MXI1: variants seen among roughly 807,000 people sequenced by gnomAD.
The protein encoded by MXI1 is MAX interactor 1, dimerization protein.
Under a neutral mutation model 36.9 loss-of-function variants are expected in MXI1, and 18 were observed. That is an observed-to-expected ratio of 0.49 (90% CI 0.34 to 0.72). The LOEUF is 0.72. MXI1 is among the 30% of genes least tolerant of loss of function. The probability of loss-of-function intolerance (pLI) is 0.01; values close to 1 mark genes in which losing one functional copy is unlikely to be tolerated. For missense variants in MXI1, 304 were observed against 379.1 expected (o/e 0.80, Z 1.64); for synonymous variants, 160 against 146.7 (o/e 1.09, Z -0.65).
intron 2 of MXI1, among the ~76,000 whole-genome samples, chr10:110,233,463 C>G (rs1564711100): frequency 6.6e-6 from 1 of 151,992 alleles, no homozygotes; most frequent in Non-Finnish European, 1.5e-5. Context: ...TATTTGTTCA[C>G]AGAAGAATTG....
chr10:110,278,694 GAGGT>G (rs1191997230), intron 3 of MXI1, among the ~76,000 whole-genome samples: 4 of 133,278 alleles, frequency 3.0e-5, no homozygotes, highest in Admixed American at 2.3e-4. Context: ...CAGTTGTAGA[GAGGT>G]AGGGTGTGTG....
intron 3 of MXI1, among the ~76,000 whole-genome samples, chr10:110,261,363 T>C (rs1270392143): frequency 6.6e-6 from 1 of 152,024 alleles, no homozygotes; most frequent in African/African-American, 2.4e-5. Context: ...TGCAGCCTTC[T>C]ATGGATTGGC....
chr10:110,219,124 A>T (rs1381684287), intron 1 of MXI1, among the ~76,000 whole-genome samples: 1 of 152,098 alleles, frequency 6.6e-6, no homozygotes, highest in Admixed American at 6.5e-5. Flanking sequence ...ATATGGTGAA[A>T]CCCTGTCTCT....
At chr10:110,279,548 G>T (rs1488411034) in intron 4 of MXI1, among the ~76,000 whole-genome samples, 1 of 137,044 alleles carries the variant, frequency 7.3e-6, no homozygotes, top group East Asian at 1.9e-4. Flanking sequence ...CTTCATACTC[G>T]GAAGGCAGTT....
chr10:110,227,255 G>T (rs1855075828), intron 1 of MXI1: 1 of 830,230 alleles, frequency 1.2e-6, no homozygotes, highest in East Asian at 1.5e-4. Flanking sequence ...GGAGGGGCGT[G>T]TGCGGGAAGG....
intron 3 of MXI1, chr10:110,245,860 T>TA (rs1855842750): frequency 6.6e-6 from 1 of 151,934 alleles, no homozygotes; most frequent in African/African-American, 2.4e-5. Context: ...GTAGACAAAG[T>TA]AAAGAGTATG....
intron 3 of MXI1, among the ~76,000 whole-genome samples, chr10:110,246,616 A>G (rs561273079): frequency 2.6e-5 from 4 of 152,316 alleles, no homozygotes; most frequent in Admixed American, 2.0e-4. Flanking sequence ...CTGCCAAATG[A>G]CTATGCCCCA....
rs1422870855 is a variant in MXI1 at position 110,286,252 on chromosome 10, T to G, written c.*1265T>G. 6.5e-6 allele frequency: 1 copy of G among 152,674 alleles called. No homozygotes were observed. The highest frequency in any genetic ancestry group is 1.5e-5 in the Non-Finnish European group (1 of 68,038). 9.5% of individuals were successfully genotyped at this position (152,674 alleles called of 1,614,324 possible). ...TCCATTTTCCTACAGGCAGTCTCTCTCTTCCTCACAGTCCCACTGTGCAGG... is the reference window on the plus strand; with the variant it reads ...TCCATTTTCCTACAGGCAGTCTCTCGCTTCCTCACAGTCCCACTGTGCAGG... On this transcript the variant is annotated 3_prime_UTR_variant, in exon 6 of 6. Transcript: ENST00000332674.
In MXI1 at chr10:110,207,708, G is replaced by A. The variant is rs1854397871; in HGVS notation, c.-101G>A. ...AGTCAGGCCGGCTTTTCGCCCCGGC[G>A]CCTTCTCTGCTCCAGCCGGCCGGGT... On this transcript the variant is annotated 5_prime_UTR_variant, in exon 1 of 6. Transcript: ENST00000332674. 2 of 777,526 alleles carry A rather than the reference G, an allele frequency of 2.6e-6. No homozygotes were observed. The highest frequency in any genetic ancestry group is 3.2e-6 in the Non-Finnish European group (2 of 631,024). 48.2% of individuals were successfully genotyped at this position (777,526 alleles called of 1,614,324 possible). A position where few individuals can be genotyped will look rare whatever the true frequency, so the allele number is the denominator to read the frequency against.
intron 2 of MXI1, among the ~76,000 whole-genome samples, chr10:110,244,499 G>GTT (rs1855788039): frequency 6.6e-6 from 1 of 150,618 alleles, no homozygotes; most frequent in East Asian, 1.9e-4. Flanking sequence ...ACAGGATTAT[G>GTT]TTTAAAATTT....
At chr10:110,227,222 G>C in intron 1 of MXI1, 1 of 583,080 alleles carries the variant, frequency 1.7e-6, no homozygotes, top group South Asian at 8.0e-5. Flanking sequence ...GGGTGCGCGC[G>C]TGGGAGGGAT....
intron 1 of MXI1, chr10:110,227,853 T>C: frequency 3.5e-6 from 1 of 283,034 alleles, no homozygotes; most frequent in East Asian, 7.1e-5. Flanking sequence ...AGGGGAATTT[T>C]TGAGGCAAGC....
chr10:110,254,947 A>C (rs972393807), intron 3 of MXI1, among the ~76,000 whole-genome samples: 3 of 152,046 alleles, frequency 2.0e-5, no homozygotes, highest in African/African-American at 7.3e-5. Context: ...AATCTAGCTA[A>C]AATAATCAAC....
At chr10:110,212,636 C>T (rs1854540241) in intron 1 of MXI1, among the ~76,000 whole-genome samples, 1 of 152,230 alleles carries the variant, frequency 6.6e-6, no homozygotes, top group African/African-American at 2.4e-5. Flanking sequence ...TGCTACTCTA[C>T]TGCTTACTGG....
chr10:110,261,144 A>G, intron 3 of MXI1: 5 of 984,820 alleles, frequency 5.1e-6, no homozygotes, highest in Non-Finnish European at 6.0e-6. Context: ...AAGTAGCTAC[A>G]GGTCAGTATG....
chr10:110,283,779 ATTT>A (rs60831569), intron 5 of MXI1, among the ~76,000 whole-genome samples: 29 of 147,370 alleles, frequency 2.0e-4, no homozygotes, highest in African/African-American at 7.2e-4. Flanking sequence ...AACAATTAAG[ATTT>A]TTTTTTTTAT....
Position 110,233,198 on chromosome 10 carries a change from A to G in MXI1, c.407+4877A>G, listed in dbSNP as rs1855336188. 1.3e-5 allele frequency among the ~76,000 whole-genome samples: 2 copies of G among 152,198 alleles called. 1 individual carries two copies. Among genetic ancestry groups the G allele is most frequent in the South Asian group, 4.1e-4 (2 of 4,830 alleles). On this transcript the variant is annotated intron_variant, in intron 2 of 5. Coordinates refer to ENST00000332674, the MANE Select transcript of MXI1 (RefSeq NM_130439.3). The stretch of plus-strand genomic sequence containing the variant: ...TTTCTAAGATTGAGGACACTAAAAA[A>G]CAACTTTTCTGTTGTTTATAAGGCT...
Position 110,279,943 on chromosome 10 carries a change from G to T in MXI1, c.582G>T (p.Gln194His). 1 of 1,611,592 alleles carries T rather than the reference G, an allele frequency of 6.2e-7. No individual in the cohort carries two copies. The highest frequency in any genetic ancestry group is 1.1e-5 in the South Asian group (1 of 90,566). The change falls in exon 5 of 6, where the codon CAG becomes CAT. Residue 194 changes from glutamine to histidine, a missense_variant. By Grantham distance (24) the Gln-to-His change is conservative. Coordinates refer to ENST00000332674, the MANE Select transcript of MXI1 (RefSeq NM_130439.3). Reference sequence around the variant, plus strand: ...TTGAAGAAGCTGAAAGAAAAAGCCAGCACCAGCTCGAGAATTTGGAACGAG... The same window carrying T: ...TTGAAGAAGCTGAAAGAAAAAGCCATCACCAGCTCGAGAATTTGGAACGAG... ...KKLEEAERKSQHQLENLEREQ... is the reference protein window; with the variant it reads ...KKLEEAERKSHHQLENLEREQ...
At chr10:110,270,234 AAAG>A (rs774039993) in intron 3 of MXI1, among the ~76,000 whole-genome samples, 1 of 152,256 alleles carries the variant, frequency 6.6e-6, no homozygotes, top group Non-Finnish European at 1.5e-5. Flanking sequence ...TTGTGTGACC[AAAG>A]AAGAAATATG....
Sources: gnomAD v4.1 joint callset for allele counts (sites outside exome capture counted in the v4.1 genomes callset) on GRCh38, gnomAD v4.1.1 for gene constraint, MANE v1.5 for transcripts, NCBI Gene and HGNC (gene_info 2026-07-23, HGNC 2026-07-21) for gene names.